SORCS2: variants seen among roughly 807,000 people sequenced by gnomAD.
SORCS2 encodes sortilin related VPS10 domain containing receptor 2, also known as VPS10 domain-containing receptor SorCS2.
A neutral mutation model predicts 141.6 loss-of-function variants in SORCS2; 100 were observed. The observed-to-expected ratio is 0.71, with a 90% CI of 0.60 to 0.83. The LOEUF is 0.83. SORCS2 is among the 40% of genes least tolerant of loss of function. SORCS2 has a pLI of 0.00. For missense variants in SORCS2, 1,646 were observed against 1,560.2 expected, an observed-to-expected ratio of 1.05 and a Z score of -0.93; for synonymous variants, 789 against 676.9, an observed-to-expected ratio of 1.17 and a Z score of -2.57.
At chr4:7,413,258 C>T (rs549540404) in intron 2 of SORCS2, among the ~76,000 whole-genome samples, 140 of 152,132 alleles carry the variant, frequency 9.2e-4, no homozygotes, top group Non-Finnish European at 1.5e-3. Flanking sequence ...TCATGAGATT[C>T]GAACTATTCA....
At position 7,279,058 on chromosome 4, in the gene SORCS2, T is replaced by C. The variant is rs143852382; in HGVS notation, c.480+85932T>C. Among the ~76,000 whole-genome samples, 297 of 152,200 alleles carry C rather than the reference T, an allele frequency of 2.0e-3. 8 individuals are homozygous for C. In the South Asian group the frequency reaches 0.036, roughly 18 times the overall value. On this transcript the variant is annotated intron_variant, in intron 1 of 26. Coordinates refer to ENST00000507866, the MANE Select transcript of SORCS2 (RefSeq NM_020777.3). ...TACCCCACCCACCACCTAATTTAAG[T>C]TTTGCTCCAGTGCTTCCTATGGGAG...
chr4:7,315,664 C>T (rs1718506708), intron 1 of SORCS2, among the ~76,000 whole-genome samples: 2 of 152,210 alleles, frequency 1.3e-5, no homozygotes, highest in South Asian at 2.1e-4. Flanking sequence ...GTGATTTTTG[C>T]AAGGACAGCC....
intron 1 of SORCS2, among the ~76,000 whole-genome samples, chr4:7,315,284 C>G (rs1340112307): frequency 6.6e-6 from 1 of 152,224 alleles, no homozygotes; most frequent in African/African-American, 2.4e-5. Flanking sequence ...TCAAGTCTGA[C>G]CATGATCGGC....
intron 2 of SORCS2, among the ~76,000 whole-genome samples, chr4:7,450,492 T>C (rs2109290729): frequency 6.6e-6 from 1 of 152,354 alleles, no homozygotes; most frequent in African/African-American, 2.4e-5. Flanking sequence ...GTGACCCACA[T>C]GCCAATGCCC....
intron 3 of SORCS2, among the ~76,000 whole-genome samples, chr4:7,585,910 C>T (rs991079980): frequency 5.9e-5 from 9 of 152,206 alleles, no homozygotes; most frequent in African/African-American, 2.2e-4. Context: ...GCTCTATTTG[C>T]TTAATACTTA....
intron 3 of SORCS2, among the ~76,000 whole-genome samples, chr4:7,571,688 G>C (rs2109713128): frequency 6.6e-6 from 1 of 152,216 alleles, no homozygotes; most frequent in South Asian, 2.1e-4. Flanking sequence ...GAAGAAATTG[G>C]GGGCCTGTGC....
intron 1 of SORCS2, among the ~76,000 whole-genome samples, chr4:7,269,665 A>G (rs1714986616): frequency 6.6e-6 from 1 of 152,324 alleles, no homozygotes; most frequent in Admixed American, 6.5e-5. Flanking sequence ...GGGAGCCGCC[A>G]GAAGCCAGGG....
chr4:7,500,351 C>T (rs1301222128), intron 2 of SORCS2, among the ~76,000 whole-genome samples: 6 of 152,146 alleles, frequency 3.9e-5, no homozygotes, highest in Non-Finnish European at 8.8e-5. Flanking sequence ...CTTGGAGGTC[C>T]CTGGCAGCGC....
At chr4:7,697,816 G>C (rs1229223040) in intron 12 of SORCS2, among the ~76,000 whole-genome samples, 1 of 152,064 alleles carries the variant, frequency 6.6e-6, no homozygotes, top group African/African-American at 2.4e-5. Context: ...GTGTCTGGGG[G>C]CTATCCCAGG....
chr4:7,193,176 G>T lies in SORCS2; in HGVS notation c.480+50G>T. 1 of 1,438,910 alleles carries T rather than the reference G, an allele frequency of 6.9e-7. No homozygotes were observed. Among genetic ancestry groups the T allele is most frequent in the Non-Finnish European group, 9.1e-7 (1 of 1,100,220 alleles). The allele number at this position is 1,438,910 out of a possible 1,614,324, so 89.1% of individuals were successfully genotyped here. ...GCGGCCCCTACCCGGGACACCGCGG[G>T]ACACCCGGGCGGGACCGCCACGGCC... On this transcript the variant is annotated intron_variant, in intron 1 of 26. Transcript: ENST00000507866. The surrounding 1 kb of genome is among the most constrained non-coding windows in gnomAD (Gnocchi z 4.8).
chr4:7,564,031 C>T (rs1033264224), intron 3 of SORCS2, among the ~76,000 whole-genome samples: 5 of 152,302 alleles, frequency 3.3e-5, no homozygotes, highest in African/African-American at 9.6e-5. Context: ...TTTGCATTCC[C>T]GCAAAAGAAG....
At chr4:7,520,951 G>C (rs188694412) in intron 2 of SORCS2, among the ~76,000 whole-genome samples, 1 of 152,254 alleles carries the variant, frequency 6.6e-6, no homozygotes. Flanking sequence ...ATTGGTGCAC[G>C]GATCAGGGGA....
At chr4:7,200,320 C>T (rs1727420901) in intron 1 of SORCS2, among the ~76,000 whole-genome samples, 1 of 152,032 alleles carries the variant, frequency 6.6e-6, no homozygotes, top group East Asian at 1.9e-4. Context: ...CCTCCCCTGC[C>T]CTCCAACACA....
chr4:7,386,752 T>A, intron 1 of SORCS2, among the ~76,000 whole-genome samples: 1 of 37,568 alleles, frequency 2.7e-5, no homozygotes, highest in African/African-American at 1.5e-4. Context: ...CACATACAGG[T>A]ACACAGAGAT....
chr4:7,316,040 A>G (rs1407165275), intron 1 of SORCS2, among the ~76,000 whole-genome samples: 1 of 151,776 alleles, frequency 6.6e-6, no homozygotes, highest in Non-Finnish European at 1.5e-5. Flanking sequence ...CCATCCAACC[A>G]TCCAGCTAGC....
chr4:7,614,895 C>G (rs1015191422), intron 3 of SORCS2, among the ~76,000 whole-genome samples: 1 of 151,990 alleles, frequency 6.6e-6, no homozygotes, highest in Admixed American at 6.6e-5. Flanking sequence ...TGCCATCCAC[C>G]CATCAATCCA....
chr4:7,611,908 C>G (rs1482526576), intron 3 of SORCS2, among the ~76,000 whole-genome samples: 3 of 152,222 alleles, frequency 2.0e-5, no homozygotes, highest in African/African-American at 7.2e-5. Flanking sequence ...GGCTCAGGCT[C>G]TGTGGATCCA....
intron 1 of SORCS2, among the ~76,000 whole-genome samples, chr4:7,303,274 G>T (rs1333418017): frequency 2.6e-5 from 4 of 152,150 alleles, no homozygotes; most frequent in African/African-American, 9.7e-5. Context: ...ATTAAGTAAA[G>T]GATGGCAACT....
At chr4:7,657,856 AAGTGAATGAGTGAGTGAGTCACTG>A (rs955469607) in intron 5 of SORCS2, among the ~76,000 whole-genome samples, 5 of 139,020 alleles carry the variant, frequency 3.6e-5, no homozygotes, top group South Asian at 4.7e-4. Context: ...GTGAATGAGT[AAGTGAATGAGTGAGTGAGTCACTG>A]AGTGAATGAG....
Sources: allele counts gnomAD v4.1 joint callset (sites outside exome capture counted in the v4.1 genomes callset), GRCh38; gene constraint gnomAD v4.1.1; non-coding constraint Gnocchi (gnomAD v3.1); transcripts MANE v1.5; gene names NCBI Gene and HGNC (gene_info 2026-07-23, HGNC 2026-07-21).